PRDM2: variants seen among roughly 807,000 people sequenced by gnomAD.
The protein encoded by PRDM2 is PR/SET domain 2, also known as PR domain zinc finger protein 2.
A neutral mutation model predicts 130.0 loss-of-function variants in PRDM2; 30 were observed. The observed-to-expected ratio is 0.23, with a 90% confidence interval of 0.17 to 0.31. The LOEUF is 0.31. PRDM2 is among the 10% of genes least tolerant of loss of function. The probability of loss-of-function intolerance (pLI) is 1.00; values close to 1 mark genes in which losing one functional copy is unlikely to be tolerated. For missense variants in PRDM2, 2,011 were observed against 2,108.4 expected, an observed-to-expected ratio of 0.95 and a Z score of 0.90; for synonymous variants, 871 against 782.4, an observed-to-expected ratio of 1.11 and a Z score of -1.89.
intron 8 of PRDM2, among the ~76,000 whole-genome samples, chr1:13,793,745 T>C (rs1262635978): frequency 1.3e-5 from 2 of 152,186 alleles, no homozygotes; most frequent in African/African-American, 4.8e-5. Context: ...ATCTTTTGGC[T>C]TCCCTGGCCC....
In PRDM2 at chr1:13,730,998, A is replaced by G. The variant is rs1240570356; in HGVS notation, c.10-2A>G. The G allele has an allele frequency of 6.3e-7, 1 of 1,579,812 alleles. No homozygotes were observed. ...GTGATCCTTCCATTTCTTGACTTGCAGAACACTACTGAGCCTGTGGCGGCC... is the reference window on the plus strand; with the variant it reads ...GTGATCCTTCCATTTCTTGACTTGCGGAACACTACTGAGCCTGTGGCGGCC... On this transcript the variant is annotated splice_acceptor_variant, in intron 2 of 9. Coordinates refer to ENST00000311066, the MANE Select transcript of PRDM2 (RefSeq NM_001393986.1). LOFTEE classifies it high-confidence loss of function.
chr1:13,746,479 T>C (rs1038046289), intron 5 of PRDM2, among the ~76,000 whole-genome samples: 1 of 151,752 alleles, frequency 6.6e-6, no homozygotes, highest in African/African-American at 2.4e-5. Context: ...CTCCGTAATA[T>C]AACCATTTCA....
At chr1:13,738,115 C>T (rs1297308547) in intron 4 of PRDM2, among the ~76,000 whole-genome samples, 3 of 151,954 alleles carry the variant, frequency 2.0e-5, no homozygotes, top group Non-Finnish European at 4.4e-5. Flanking sequence ...CAGTGAAAGC[C>T]TTTTTTAAAT....
At chr1:13,710,914 G>A (rs966971886) in intron 1 of PRDM2, among the ~76,000 whole-genome samples, 1 of 152,000 alleles carries the variant, frequency 6.6e-6, no homozygotes, top group East Asian at 1.9e-4. Context: ...GTGAAACTCC[G>A]TCTCTACTAA....
intron 6 of PRDM2, among the ~76,000 whole-genome samples, chr1:13,765,200 A>G (rs543710254): frequency 9.2e-5 from 14 of 152,348 alleles, no homozygotes; most frequent in Non-Finnish European, 1.8e-4. Context: ...CTTCTGCCCA[A>G]GTCTCCCAGT....
intron 8 of PRDM2, among the ~76,000 whole-genome samples, chr1:13,799,708 G>A (rs1006531250): frequency 6.6e-6 from 1 of 152,322 alleles, no homozygotes; most frequent in Non-Finnish European, 1.5e-5. Flanking sequence ...CCAAAGGTCA[G>A]TTGCATTTGT....
chr1:13,708,265 A>G (rs1642267659), intron 1 of PRDM2, among the ~76,000 whole-genome samples: 1 of 151,980 alleles, frequency 6.6e-6, no homozygotes, highest in South Asian at 2.1e-4. Context: ...ATGCGGATTT[A>G]TAGTCCTTTC....
At chr1:13,726,707 C>T (rs1642928268) in intron 2 of PRDM2, among the ~76,000 whole-genome samples, 3 of 152,160 alleles carry the variant, frequency 2.0e-5, no homozygotes, top group Admixed American at 6.5e-5. Flanking sequence ...AAATTTAATA[C>T]ATACTGTTCC....
At chr1:13,792,109 T>G (rs1047770280) in intron 8 of PRDM2, among the ~76,000 whole-genome samples, 1 of 152,202 alleles carries the variant, frequency 6.6e-6, no homozygotes, top group African/African-American at 2.4e-5. Flanking sequence ...ACAGGTGAAT[T>G]TTAAAGCCCA....
rs1230691543 is a variant in PRDM2 at position 13,778,347 on chromosome 1, T to C, written c.623-71T>C. Reference sequence around the variant, plus strand: ...GTGGTAAGAGAAATAACTTGAATCATTCAGATTGTTCACCAAGTAGCTGGT... The same window carrying C: ...GTGGTAAGAGAAATAACTTGAATCACTCAGATTGTTCACCAAGTAGCTGGT... On this transcript the variant is annotated intron_variant, in intron 7 of 9. Coordinates refer to ENST00000311066, the MANE Select transcript of PRDM2 (RefSeq NM_001393986.1). The C allele has an allele frequency of 6.5e-5, 93 of 1,431,474 alleles. No homozygotes were observed. In the East Asian group the frequency reaches 2.1e-3, roughly 32 times the overall value. The allele number at this position is 1,431,474 out of a possible 1,614,324, so 88.7% of individuals were successfully genotyped here.
chr1:13,773,515 C>G (rs1264603627), intron 7 of PRDM2: 1 of 169,164 alleles, frequency 5.9e-6, no homozygotes, highest in Non-Finnish European at 1.3e-5. Context: ...AGTTTGAGGC[C>G]AGCCCGGGCA....
rs1644055708 is a variant in PRDM2, at chr1:13,759,904, T to G, written c.511+10417T>G. Among the ~76,000 whole-genome samples, 3 of 152,274 alleles carry G rather than the reference T, an allele frequency of 2.0e-5. No individual in the cohort carries two copies. The South Asian group carries it at 6.2e-4, about 32-fold the overall frequency. On this transcript the variant is annotated intron_variant, in intron 6 of 9. Coordinates refer to ENST00000311066, the MANE Select transcript of PRDM2 (RefSeq NM_001393986.1). ...GTTGTCAGTGGTCTCAATCTTGGAT[T>G]TTTGGACCAGGGGTTTAAGATTCCA...
chr1:13,778,472 C>T lies in PRDM2; in HGVS notation c.677C>T (p.Thr226Ile). 6.2e-7 allele frequency: 1 copy of T among 1,614,012 alleles called. No homozygotes were observed. Among genetic ancestry groups the T allele is most frequent in the Non-Finnish European group, 8.5e-7 (1 of 1,179,950 alleles). Residue 226 changes from threonine (T) to isoleucine (I), a missense_variant, in exon 8 of 10, where the codon ACC (threonine) becomes ATC (isoleucine). Around this residue, in one of 5 missense-constraint regions of PRDM2, gnomAD observed 1,288 missense variants for 1,237.7 expected, o/e 1.04. Coordinates refer to ENST00000311066, the MANE Select transcript of PRDM2 (RefSeq NM_001393986.1). ...GCCTCAGCACTTGAGCAGCCGGCCA[C>T]CCTCCAGGAGGTGGCCAGTCAGGAG... ...PSASALEQPA[T>I]LQEVASQEVP...
intron 4 of PRDM2, among the ~76,000 whole-genome samples, chr1:13,737,002 C>T (rs1023060260): frequency 9.9e-5 from 15 of 152,260 alleles, no homozygotes; most frequent in African/African-American, 2.9e-4. Flanking sequence ...TATCAGTCAG[C>T]GCTGCTATGA....
chr1:13,726,631 G>C (rs147402862), intron 2 of PRDM2, among the ~76,000 whole-genome samples: 2 of 152,250 alleles, frequency 1.3e-5, no homozygotes, highest in African/African-American at 4.8e-5. Flanking sequence ...TGGAAACATC[G>C]AATTAATGAG....
intron 8 of PRDM2, among the ~76,000 whole-genome samples, chr1:13,794,349 T>TA (rs1489541136): frequency 6.6e-6 from 1 of 152,182 alleles, no homozygotes; most frequent in Non-Finnish European, 1.5e-5. Context: ...TATGGACTCA[T>TA]TATGTTTGTT....
chr1:13,809,594 G>T (rs903396872), intron 8 of PRDM2, among the ~76,000 whole-genome samples: 2 of 152,118 alleles, frequency 1.3e-5, no homozygotes, highest in African/African-American at 4.8e-5. Context: ...GAGATGTCAC[G>T]TCAGTGCGTG....
chr1:13,761,456 G>A (rs1011556940), intron 6 of PRDM2, among the ~76,000 whole-genome samples: 3 of 152,134 alleles, frequency 2.0e-5, no homozygotes, highest in Non-Finnish European at 2.9e-5. Flanking sequence ...GAAATGTCCC[G>A]ATGATCTGTG....
rs1053284904 is a variant in PRDM2 at position 13,700,283 on chromosome 1, C to T, written c.-83C>T. On this transcript the variant is annotated 5_prime_UTR_variant, in exon 1 of 10. Transcript: ENST00000311066. ...CGGCGGCCCTCGGTGCTCTGAGGCGCTGGCGCGGCGGGCGCGGGTAAGGAG... is the reference window on the plus strand; with the variant it reads ...CGGCGGCCCTCGGTGCTCTGAGGCGTTGGCGCGGCGGGCGCGGGTAAGGAG... The T allele has an allele frequency of 6.7e-6, 1 of 149,848 alleles. No homozygotes were observed. The highest frequency in any genetic ancestry group is 2.4e-5 in the African/African-American group (1 of 41,030). The allele number at this position is 149,848 out of a possible 1,614,324, so 9.3% of individuals were successfully genotyped here. A position where few individuals can be genotyped will look rare whatever the true frequency, so the allele number is the denominator to read the frequency against.
Sources: gnomAD v4.1 joint callset for allele counts (sites outside exome capture counted in the v4.1 genomes callset) on GRCh38, gnomAD v4.1.1 for gene constraint, gnomAD v4.1.1 regional missense constraint, MANE v1.5 for transcripts, NCBI Gene and HGNC (gene_info 2026-07-23, HGNC 2026-07-21) for gene names.